Variants in CRYZ observed in about 807,000 individuals in gnomAD.
The protein encoded by CRYZ is zeta-crystallin.
In CRYZ, 35 loss-of-function variants were observed where a neutral mutation model predicts 34.1. That is an observed-to-expected ratio of 1.03 (90% confidence interval 0.78 to 1.36). The LOEUF (loss-of-function observed/expected upper bound fraction) is 1.36, where lower values mean the gene tolerates loss of function less well. CRYZ is among the 40% of genes most tolerant of loss of function. The pLI, the probability that CRYZ is intolerant of heterozygous loss-of-function variation, is 0.00. For synonymous variants in CRYZ, 137 were observed against 136.5 expected (o/e 1.00, Z -0.03); for missense variants, 403 against 391.8 (o/e 1.03, Z -0.24).
At chr1:74,729,105 T>C (rs1647545637) in intron 1 of CRYZ, among the ~76,000 whole-genome samples, 1 of 149,826 alleles carries the variant, frequency 6.7e-6, no homozygotes, top group Non-Finnish European at 1.5e-5. Flanking sequence ...CCATGGTGGA[T>C]ATAAGAACAT....
At chr1:74,728,904 C>G (rs537047890) in intron 1 of CRYZ, among the ~76,000 whole-genome samples, 1 of 152,254 alleles carries the variant, frequency 6.6e-6, no homozygotes, top group Admixed American at 6.5e-5. Context: ...CACTTTAGAA[C>G]AGCTTGGCAG....
chr1:74,722,629 T>C (rs1183220638), intron 3 of CRYZ, among the ~76,000 whole-genome samples: 1 of 152,052 alleles, frequency 6.6e-6, no homozygotes, highest in Non-Finnish European at 1.5e-5. Flanking sequence ...TGTATATATA[T>C]ATATCCTGAG....
At chr1:74,707,369 A>C in intron 6 of CRYZ, 165 bp from the exon 7 acceptor site, 1 of 501,612 alleles carries the variant, frequency 2.0e-6, no homozygotes, top group Non-Finnish European at 3.5e-6. Context: ...TATAATCACG[A>C]TGTAATTCCA....
intron 3 of CRYZ, 61 bp downstream of exon 3, chr1:74,723,057 A>G (rs896837347): frequency 1.2e-5 from 18 of 1,528,124 alleles, no homozygotes; most frequent in South Asian, 1.2e-4. Context: ...GTTGAAAGCT[A>G]TGTTCAAATA....
At chr1:74,719,458 T>A in intron 3 of CRYZ, 86 bp from the exon 4 acceptor site, 1 of 1,273,634 alleles carries the variant, frequency 7.9e-7, no homozygotes, top group Non-Finnish European at 1.1e-6. Context: ...AAGAAATAAG[T>A]GAGTACTCAT....
chr1:74,727,458 C>A (rs1426516118), intron 1 of CRYZ, among the ~76,000 whole-genome samples: 90 of 71,844 alleles, frequency 1.3e-3, no homozygotes, highest in Middle Eastern at 8.9e-3. Flanking sequence ...CTAAAAAATA[C>A]AAAAAAAAAA....
chr1:74,707,780 A>G (rs1040439506), intron 6 of CRYZ: 1 of 152,140 alleles, frequency 6.6e-6, no homozygotes, highest in African/African-American at 2.4e-5. Flanking sequence ...ATTTTAACAC[A>G]CACACACAAA....
intron 5 of CRYZ, among the ~76,000 whole-genome samples, chr1:74,711,665 C>G (rs899951976): frequency 5.3e-5 from 8 of 152,162 alleles, no homozygotes; most frequent in African/African-American, 1.9e-4. Context: ...GCAGGAGGAT[C>G]GCTTGGGCCC....
chr1:74,714,461 G>GA, intron 5 of CRYZ, 118 bp downstream of exon 5: 7 of 932,802 alleles, frequency 7.5e-6, no homozygotes, highest in South Asian at 3.4e-5. Flanking sequence ...ACTACATAAA[G>GA]AAAAAAAGCA....
chr1:74,720,552 C>T (rs1189751200), intron 3 of CRYZ, among the ~76,000 whole-genome samples: 1 of 151,914 alleles, frequency 6.6e-6, no homozygotes, highest in Non-Finnish European at 1.5e-5. Flanking sequence ...TTAGAATAGG[C>T]AAATTATTAA....
chr1:74,713,393 T>C (rs1242953162), intron 5 of CRYZ, among the ~76,000 whole-genome samples: 1 of 152,190 alleles, frequency 6.6e-6, no homozygotes, highest in Non-Finnish European at 1.5e-5. Context: ...TTTAGTTACT[T>C]AGGGTTAAAT....
chr1:74,720,897 A>C (rs903363840), intron 3 of CRYZ, among the ~76,000 whole-genome samples: 2 of 152,220 alleles, frequency 1.3e-5, no homozygotes, highest in African/African-American at 4.8e-5. Context: ...GGATAGAAAT[A>C]ATTACAAAAA....
intron 8 of CRYZ, 71 bp from the exon 9 acceptor site, chr1:74,706,528 ACT>A (rs963527691): frequency 7.3e-7 from 1 of 1,377,034 alleles, no homozygotes; most frequent in Non-Finnish European, 9.9e-7. Context: ...CATTAAAAAC[ACT>A]TCAGAATCTA....
At chr1:74,731,179 GAAATAGAAAATCTA>G (rs2100740847) in intron 1 of CRYZ, among the ~76,000 whole-genome samples, 1 of 152,196 alleles carries the variant, frequency 6.6e-6, no homozygotes, top group East Asian at 1.9e-4. Flanking sequence ...ACAAATCTAG[GAAATAGAAAATCTA>G]AAATCCCTCT....
intron 4 of CRYZ, 25 bp downstream of exon 4, chr1:74,719,184 T>C (rs1260302575): frequency 1.2e-6 from 2 of 1,607,662 alleles, no homozygotes; most frequent in Admixed American, 1.7e-5. Flanking sequence ...GCATTGGCCA[T>C]AAAATTGACA....
chr1:74,718,570 C>CT (rs1647108538), intron 4 of CRYZ, among the ~76,000 whole-genome samples: 1 of 152,128 alleles, frequency 6.6e-6, no homozygotes, highest in African/African-American at 2.4e-5. Flanking sequence ...CTAACAAAAT[C>CT]AAGTTTCTAT....
chr1:74,710,249 T>C lies in CRYZ; in HGVS notation c.481-2A>G, dbSNP rs540636895. 7 of 1,613,120 alleles carry C rather than the reference T, an allele frequency of 4.3e-6. No homozygotes were observed. The highest frequency in any genetic ancestry group is 2.2e-5 in the East Asian group (1 of 44,838). ...AATTTGGCATGCTGCTAATCCAACC[T>C]GAAAAACAAATATAACCCAAGAGTT... On this transcript the variant is annotated splice_acceptor_variant, in intron 5 of 8. Transcript: ENST00000340866. LOFTEE classifies it high-confidence loss of function.
chr1:74,707,554 C>T (rs185618188), intron 6 of CRYZ: 116 of 159,194 alleles, frequency 7.3e-4, no homozygotes, highest in South Asian at 1.4e-3. Flanking sequence ...AATCAAAAGC[C>T]CCAAACCCCC....
intron 3 of CRYZ, 128 bp from the exon 4 acceptor site, chr1:74,719,500 A>ATTT: frequency 1.2e-5 from 8 of 656,558 alleles, no homozygotes; most frequent in Non-Finnish European, 1.6e-5. Context: ...CATATAAATA[A>ATTT]TTTTTTTTTT....
Sources: gnomAD v4.1 joint callset for allele counts (sites outside exome capture counted in the v4.1 genomes callset) on GRCh38, gnomAD v4.1.1 for gene constraint, MANE v1.5 for transcripts, NCBI Gene and HGNC (gene_info 2026-07-23, HGNC 2026-07-21) for gene names.